The following FAIM2 variants were observed in gnomAD, a reference collection of about 807,000 sequenced individuals.
The protein encoded by FAIM2 is protein lifeguard 2.
Under a neutral mutation model 47.4 loss-of-function variants are expected in FAIM2, and 27 were observed. The ratio of observed to expected loss-of-function variants is 0.57; its 90% CI spans 0.42 to 0.78. The LOEUF is 0.78. Ranked by LOEUF, FAIM2 falls within the 30% of genes least tolerant of loss-of-function variation. FAIM2 has a pLI of 0.00. For missense variants in FAIM2, 311 were observed against 389.4 expected (o/e 0.80, Z 1.69); for synonymous variants, 156 against 159.3 (o/e 0.98, Z 0.16).
intron 11 of FAIM2, among the ~76,000 whole-genome samples, chr12:49,879,055 T>TGC (rs1946774673): frequency 7.4e-6 from 1 of 136,048 alleles, no homozygotes; most frequent in South Asian, 2.5e-4. Flanking sequence ...TTTGTGTATG[T>TGC]GCATGTATGT....
intron 5 of FAIM2, among the ~76,000 whole-genome samples, chr12:49,891,567 G>A (rs1332968322): frequency 1.3e-5 from 2 of 152,192 alleles, no homozygotes; most frequent in African/African-American, 4.8e-5. Flanking sequence ...GCAGAAGCAG[G>A]ATGAGAACCC....
chr12:49,880,910 A>T (rs1282857712), intron 11 of FAIM2, among the ~76,000 whole-genome samples: 11 of 143,932 alleles, frequency 7.6e-5, no homozygotes. Context: ...GTCTCTCTGG[A>T]TGTGCTGTCT....
At chr12:49,873,990 G>A (rs1413684419) in intron 11 of FAIM2, among the ~76,000 whole-genome samples, 2 of 152,204 alleles carry the variant, frequency 1.3e-5, no homozygotes, top group Non-Finnish European at 2.9e-5. Context: ...TGATTTACAG[G>A]GGAAAGTCAT....
rs1227079756 is a variant in FAIM2 at position 49,897,660 on chromosome 12, T to C, written c.316-77A>G. On this transcript the variant is annotated intron_variant, in intron 3 of 11. Coordinates refer to ENST00000320634, the MANE Select transcript of FAIM2 (RefSeq NM_012306.4). ...TCAGCCCCGCAGTGACTCAGTCACC[T>C]CTCCAGGTCCCCATCCTGTGCACTC... The C allele has an allele frequency of 6.5e-6, 7 of 1,076,468 alleles. No individual in the cohort carries two copies. The East Asian group carries it at 7.1e-5, about 11-fold the overall frequency. The allele number at this position is 1,076,468 out of a possible 1,614,324, so 66.7% of individuals were successfully genotyped here. A position where few individuals can be genotyped will look rare whatever the true frequency, so the allele number is the denominator to read the frequency against.
Position 49,890,680 on chromosome 12 carries a change from T to G in FAIM2, c.525+3A>C. On this transcript the variant is annotated splice_donor_region_variant and intron_variant, in intron 7 of 11. Coordinates refer to ENST00000320634, the MANE Select transcript of FAIM2 (RefSeq NM_012306.4). ...TGTCCTCAGCACACCCAGGATCACT[T>G]ACAAAGACGGTCAGGAGAATCAGGT... 6.2e-7 allele frequency: 1 copy of G among 1,613,754 alleles called. No individual in the cohort carries two copies. The highest frequency in any genetic ancestry group is 8.5e-7 in the Non-Finnish European group (1 of 1,179,792).
At chr12:49,903,248 G>C (rs1946993623) in intron 1 of FAIM2, among the ~76,000 whole-genome samples, 1 of 152,270 alleles carries the variant, frequency 6.6e-6, no homozygotes, top group African/African-American at 2.4e-5. Flanking sequence ...TCTTGATGCA[G>C]AGTTGTCATA....
Position 49,901,252 on chromosome 12 carries a change from G to C in FAIM2, c.89C>G (p.Ala30Gly), listed in dbSNP as rs748824813. ...ATAGGAGGGTGGGGCTGAGGGCACT[G>C]CTGGAGCCTCCTTCTTCTCGCCATG... ...QVHGEKKEAP[A>G]VPSAPPSYEE... is the part of the protein sequence containing the mutation. The change falls in exon 2 of 12, where the codon GCA becomes GGA. Residue 30 changes from alanine (A) to glycine (G), a missense_variant. Transcript: ENST00000320634. 1.9e-6 allele frequency: 3 copies of C among 1,610,524 alleles called. No individual in the cohort carries two copies. Among genetic ancestry groups the C allele is most frequent in the Non-Finnish European group, 2.5e-6 (3 of 1,178,594 alleles).
At chr12:49,894,696 G>A (rs1470501340) in intron 5 of FAIM2, among the ~76,000 whole-genome samples, 1 of 152,154 alleles carries the variant, frequency 6.6e-6, no homozygotes, top group African/African-American at 2.4e-5. Flanking sequence ...CTAAGACAAA[G>A]GAGGAAGCAG....
rs953953271 is a variant in FAIM2 at position 49,890,105 on chromosome 12, T to G, written c.563+12A>C. On this transcript the variant is annotated intron_variant, in intron 8 of 11. Coordinates refer to ENST00000320634, the MANE Select transcript of FAIM2 (RefSeq NM_012306.4). ...CCTATGGTCCTTCTCTCCTTCCACCTGTTCCCTTTACCTGGACAGCATCCC... is the reference window on the plus strand; with the variant it reads ...CCTATGGTCCTTCTCTCCTTCCACCGGTTCCCTTTACCTGGACAGCATCCC... 5.0e-6 allele frequency: 8 copies of G among 1,613,588 alleles called. No homozygotes were observed. Among genetic ancestry groups the G allele is most frequent in the Non-Finnish European group, 5.9e-6 (7 of 1,179,510 alleles).
intron 5 of FAIM2, among the ~76,000 whole-genome samples, chr12:49,896,710 G>A (rs1946939708): frequency 6.6e-6 from 1 of 152,224 alleles, no homozygotes; most frequent in Non-Finnish European, 1.5e-5. Context: ...GGGCCAAAGT[G>A]TTCCAGCCCC....
chr12:49,884,706 C>G (rs537487031), intron 11 of FAIM2, among the ~76,000 whole-genome samples: 2 of 151,024 alleles, frequency 1.3e-5, no homozygotes, highest in East Asian at 3.9e-4. Context: ...CGGGCATGGT[C>G]ACTCACGCCT....
chr12:49,879,511 CATGT>C (rs1565614102), intron 11 of FAIM2, among the ~76,000 whole-genome samples: 1 of 124,094 alleles, frequency 8.1e-6, no homozygotes, highest in Non-Finnish European at 1.7e-5. Flanking sequence ...TATGTATGTG[CATGT>C]GTGTGTGTCC....
intron 11 of FAIM2, among the ~76,000 whole-genome samples, chr12:49,880,630 GTATATA>G (rs59558736): frequency 2.0e-5 from 3 of 150,430 alleles, no homozygotes; most frequent in Non-Finnish European, 4.4e-5. Flanking sequence ...GTGCATGTGT[GTATATA>G]TATGCATGTG....
rs751924381 is a variant in FAIM2 at position 49,890,197 on chromosome 12, G to A, written c.526-43C>T. 1.3e-5 allele frequency: 21 copies of A among 1,604,100 alleles called. No individual in the cohort carries two copies. The African/African-American group carries it at 1.5e-4, about 11-fold the overall frequency. Reference sequence around the variant, plus strand: ...GTAAAGGAATGTTCCAAACTCAGACGCAGGGGCCCAGGCACCCTCGAGGTC... The same window carrying A: ...GTAAAGGAATGTTCCAAACTCAGACACAGGGGCCCAGGCACCCTCGAGGTC... On this transcript the variant is annotated intron_variant, in intron 7 of 11. Transcript: ENST00000320634.
chr12:49,876,308 G>A (rs1392100089), intron 11 of FAIM2, among the ~76,000 whole-genome samples: 1 of 152,220 alleles, frequency 6.6e-6, no homozygotes, highest in Non-Finnish European at 1.5e-5. Flanking sequence ...GGAAACTGAA[G>A]CACAAAGACG....
intron 5 of FAIM2, among the ~76,000 whole-genome samples, chr12:49,892,042 C>G (rs892825219): frequency 2.0e-5 from 3 of 152,144 alleles, no homozygotes; most frequent in Admixed American, 6.5e-5. Context: ...TCTCCTTCCT[C>G]GGTTCTCTCA....
intron 4 of FAIM2, among the ~76,000 whole-genome samples, chr12:49,897,317 G>A (rs907499956): frequency 6.6e-5 from 10 of 152,154 alleles, no homozygotes; most frequent in African/African-American, 2.4e-4. Flanking sequence ...ACACCCAGAA[G>A]GCACCCAGGG....
chr12:49,873,853 C>A (rs968435895), intron 11 of FAIM2, among the ~76,000 whole-genome samples: 3 of 152,198 alleles, frequency 2.0e-5, no homozygotes, highest in African/African-American at 7.2e-5. Flanking sequence ...CAAACAAAGT[C>A]TTTTCATCGA....
At chr12:49,875,378 G>A (rs568387588) in intron 11 of FAIM2, among the ~76,000 whole-genome samples, 2 of 152,260 alleles carry the variant, frequency 1.3e-5, no homozygotes, top group South Asian at 4.1e-4. Flanking sequence ...CTCTGGAGAA[G>A]AGACTACCAG....
Sources: gnomAD v4.1 joint callset for allele counts (sites outside exome capture counted in the v4.1 genomes callset) on GRCh38, gnomAD v4.1.1 for gene constraint, MANE v1.5 for transcripts, NCBI Gene and HGNC (gene_info 2026-07-23, HGNC 2026-07-21) for gene names.